LAMA1: variants seen among roughly 807,000 people sequenced by gnomAD.
The protein encoded by LAMA1 is laminin subunit alpha 1.
In LAMA1, 219 loss-of-function variants were observed where a neutral mutation model predicts 348.7. The ratio of observed to expected loss-of-function variants is 0.63; its 90% CI spans 0.56 to 0.70. The LOEUF is 0.70. Ranked by LOEUF, LAMA1 falls within the 30% of genes least tolerant of loss-of-function variation. The pLI is 0.00. For missense variants in LAMA1, 3,744 were observed against 3,888.0 expected (o/e 0.96, Z 0.99); for synonymous variants, 1,487 against 1,491.0 (o/e 1.00, Z 0.06).
intron 3 of LAMA1, among the ~76,000 whole-genome samples, chr18:7,065,118 A>G (rs2058117308): frequency 6.6e-6 from 1 of 151,736 alleles, no homozygotes; most frequent in Admixed American, 6.6e-5. Context: ...CTGTAGTCCC[A>G]GCTACTCAGG....
chr18:6,955,384 A>T lies in LAMA1; in HGVS notation c.8176T>A (p.Leu2726Met). 6.2e-7 allele frequency: 1 copy of T among 1,614,190 alleles called. No individual in the cohort carries two copies. Among genetic ancestry groups the T allele is most frequent in the Non-Finnish European group, 8.5e-7 (1 of 1,180,022 alleles). ...CTGACAGCCGACTGATTAAAAGGCA[A>T]GATGAAATGGCTGTTTTGTGTGAGA... ...FGLTQNSHFI[L>M]PFNQSAVRKK... Residue 2726 changes from leucine to methionine, a missense_variant, in exon 57 of 63, where the codon TTG becomes ATG. Coordinates refer to ENST00000389658, the MANE Select transcript of LAMA1 (RefSeq NM_005559.4).
At position 6,973,222 on chromosome 18, in the gene LAMA1, G is replaced by T. The variant is rs544316926; in HGVS notation, c.6624-15C>A. On this transcript the variant is annotated splice_polypyrimidine_tract_variant and intron_variant, in intron 46 of 62. Coordinates refer to ENST00000389658, the MANE Select transcript of LAMA1 (RefSeq NM_005559.4). ...TGTTTCCAAATCTAAGGGTTACAAA[G>T]AATTGCAAAAGAAATTTTCAGAATT... 6.2e-7 allele frequency: 1 copy of T among 1,613,532 alleles called. No individual in the cohort carries two copies. Among genetic ancestry groups the T allele is most frequent in the African/African-American group, 1.3e-5 (1 of 74,994 alleles).
In LAMA1 at chr18:6,966,264, G is replaced by A. The variant is rs149366807; in HGVS notation, c.6933C>T (p.Asp2311=). ...SQNEDPSFHF[D]GSGYSVVEKS... is the part of the protein sequence containing the mutation. ...TCTCCACGACAGAGTACCCACTCCC[G>A]TCAAAATGGAAGGAAGGGTCTTCAT... The change falls in exon 49 of 63, where the codon GAC becomes GAT. Residue 2311 remains aspartate (D), a synonymous_variant. Coordinates refer to ENST00000389658, the MANE Select transcript of LAMA1 (RefSeq NM_005559.4). 2.3e-5 allele frequency: 37 copies of A among 1,613,812 alleles called. No homozygotes were observed. Among genetic ancestry groups the A allele is most frequent in the African/African-American group, 2.3e-4 (17 of 75,048 alleles).
chr18:7,003,660 C>T (rs1286103205), intron 29 of LAMA1, among the ~76,000 whole-genome samples: 5 of 152,168 alleles, frequency 3.3e-5, no homozygotes, highest in Non-Finnish European at 7.3e-5. Flanking sequence ...TACTCAGCCA[C>T]TGGGCACAAG....
rs761525131 is a variant in LAMA1 at position 7,080,006 on chromosome 18, T to C, written c.314A>G (p.His105Arg). Residue 105 changes from histidine (H) to arginine (R), a missense_variant, in exon 3 of 63, where the codon CAC (histidine) becomes CGC (arginine). His to Arg is a conservative substitution (Grantham distance 29). Around this residue, in one of 3 missense-constraint regions of LAMA1, gnomAD observed 1,529 missense variants for 1,689.4 expected, o/e 0.91. Transcript: ENST00000389658. ...SPSIQNGREY[H>R]WVTITLDLRQ... is the part of the protein sequence containing the mutation. ...TAAGTCCAGAGTGATTGTGACCCAGTGATATTCTCTCCCATTCTGAATGCT... is the reference window on the plus strand; with the variant it reads ...TAAGTCCAGAGTGATTGTGACCCAGCGATATTCTCTCCCATTCTGAATGCT... 9 of 1,613,988 alleles carry C rather than the reference T, an allele frequency of 5.6e-6. No individual in the cohort carries two copies. The African/African-American group carries it at 6.7e-5, about 12-fold the overall frequency.
At chr18:7,033,183 C>A in intron 14 of LAMA1, 88 bp from the exon 15 acceptor site, 6 of 1,013,826 alleles carry the variant, frequency 5.9e-6, no homozygotes, top group South Asian at 1.4e-5. Flanking sequence ...AGATTTAAAT[C>A]CGGCCGGGCG....
At chr18:6,970,966 C>T (rs547788895) in intron 48 of LAMA1, among the ~76,000 whole-genome samples, 1 of 152,292 alleles carries the variant, frequency 6.6e-6, no homozygotes, top group African/African-American at 2.4e-5. Flanking sequence ...GCTTAAACTA[C>T]AGACCTGACA....
rs566235779 is a variant in LAMA1, at chr18:6,955,884, A to G, written c.8095-419T>C. ...AAAACTGGAGGTGCCCACAGGTGAC[A>G]TGTTTTGCAGGGCCTCAGAGTGTGA... On this transcript the variant is annotated intron_variant, in intron 56 of 62. Transcript: ENST00000389658. 4.8e-5 allele frequency: 17 copies of G among 351,812 alleles called. 2 individuals are homozygous for G. Among genetic ancestry groups the G allele is most frequent in the South Asian group, 3.8e-4 (17 of 45,024 alleles). The allele number at this position is 351,812 out of a possible 1,614,324, so 21.8% of individuals were successfully genotyped here.
chr18:6,949,120 T>C lies in LAMA1; in HGVS notation c.8537A>G (p.Gln2846Arg), dbSNP rs1406687839. 1.9e-6 allele frequency: 3 copies of C among 1,614,196 alleles called. No individual in the cohort carries two copies. Among genetic ancestry groups the C allele is most frequent in the African/African-American group, 1.3e-5 (1 of 75,048 alleles). ...GCTTACATTTCCAATTTTCCTGGCC[T>C]GGTACTGGGAGGGCAGGCCTCCTAG... ...FYLGGLPSQY[Q>R]ARKIGNITHS... The change falls in exon 59 of 63, where the codon CAG (glutamine) becomes CGG (arginine). Residue 2846 changes from glutamine to arginine, a missense_variant. By Grantham distance (43) the Gln-to-Arg change is conservative (BLOSUM62 1). Coordinates refer to ENST00000389658, the MANE Select transcript of LAMA1 (RefSeq NM_005559.4).
chr18:7,045,183 G>C (rs1178513413), intron 6 of LAMA1, among the ~76,000 whole-genome samples: 1 of 152,140 alleles, frequency 6.6e-6, no homozygotes. Context: ...TAACAGAATA[G>C]TCCTATTCAA....
chr18:6,975,977 T>G lies in LAMA1; in HGVS notation c.6449A>C (p.Glu2150Ala). 1.2e-6 allele frequency: 2 copies of G among 1,614,218 alleles called. No homozygotes were observed. The highest frequency in any genetic ancestry group is 1.7e-6 in the Non-Finnish European group (2 of 1,180,052). The change falls in exon 45 of 63, where the codon GAA becomes GCA. Residue 2150 changes from glutamate (E) to alanine (A), a missense_variant. Physicochemically the swap from Glu to Ala is moderately radical, Grantham distance 107 (BLOSUM62 -1). Around this residue, in one of 3 missense-constraint regions of LAMA1, gnomAD observed 1,983 missense variants for 1,934.3 expected, o/e 1.03. Coordinates refer to ENST00000389658, the MANE Select transcript of LAMA1 (RefSeq NM_005559.4). ...NTLTLNVKTQEPDNLLFYLGS... is the reference protein window; with the variant it reads ...NTLTLNVKTQAPDNLLFYLGS... ...GAGGTAGAAGAGAAGATTATCGGGT[T>G]CCTGTGTCTTAACATTTAGTGTTAA... is the stretch of plus-strand genomic sequence containing the variant.
chr18:7,038,183 CAT>C (rs1279569458), intron 11 of LAMA1, among the ~76,000 whole-genome samples: 1 of 152,162 alleles, frequency 6.6e-6, no homozygotes, highest in African/African-American at 2.4e-5. Context: ...GCGTCACCGA[CAT>C]AGAGGTGATG....
At chr18:7,056,059 G>A (rs1301264288) in intron 3 of LAMA1, among the ~76,000 whole-genome samples, 2 of 151,276 alleles carry the variant, frequency 1.3e-5, no homozygotes, top group Admixed American at 6.6e-5. Context: ...CAGCCTGGGC[G>A]ACAGTGTGAG....
intron 57 of LAMA1, chr18:6,955,102 GCACA>G (rs2143988879): frequency 3.8e-6 from 2 of 528,608 alleles, no homozygotes; most frequent in East Asian, 7.0e-5. Context: ...TTCCTTACAT[GCACA>G]CAGAAAGGGG....
intron 29 of LAMA1, among the ~76,000 whole-genome samples, chr18:7,004,238 T>A (rs1444752638): frequency 6.6e-6 from 1 of 152,084 alleles, no homozygotes; most frequent in African/African-American, 2.4e-5. Flanking sequence ...TGTAAAAAGG[T>A]TCAGTCGTAT....
chr18:6,950,992 G>C (rs780565818), intron 57 of LAMA1, 21 bp from the exon 58 acceptor site: 1 of 1,609,554 alleles, frequency 6.2e-7, no homozygotes, highest in Non-Finnish European at 8.5e-7. Context: ...CAAGTGCTCA[G>C]CGTTGAGAAA....
At chr18:6,942,976 T>C (rs117663277) in intron 62 of LAMA1, among the ~76,000 whole-genome samples, 4,398 of 152,270 alleles carry the variant, frequency 0.029, 98 homozygotes, top group Non-Finnish European at 0.038. Context: ...TCTCACAGTC[T>C]TACCCAATGA....
chr18:6,956,549 T>A, intron 56 of LAMA1, 87 bp downstream of exon 56: 1 of 1,594,154 alleles, frequency 6.3e-7, no homozygotes, highest in Non-Finnish European at 8.6e-7. Flanking sequence ...CAGGCACCTT[T>A]ACAGCAAGGC....
intron 61 of LAMA1, among the ~76,000 whole-genome samples, chr18:6,945,348 G>A (rs947705276): frequency 9.2e-5 from 14 of 152,178 alleles, no homozygotes; most frequent in Admixed American, 5.2e-4. Context: ...CGGAAAAGAG[G>A]TGAAGGGCAA....
Sources: allele counts gnomAD v4.1 joint callset (sites outside exome capture counted in the v4.1 genomes callset), GRCh38; gene constraint gnomAD v4.1.1; regional missense constraint gnomAD v4.1.1; transcripts MANE v1.5; gene names NCBI Gene and HGNC (gene_info 2026-07-23, HGNC 2026-07-21).